ZNF92: variants seen among roughly 807,000 people sequenced by gnomAD.
ZNF92 encodes zinc finger protein 92.
In ZNF92, 11 loss-of-function variants were observed where a neutral mutation model predicts 12.4. The observed-to-expected ratio is 0.89, with a 90% confidence interval of 0.56 to 1.47. ZNF92 has a LOEUF of 1.47. Ranked by LOEUF, ZNF92 falls within the 40% of genes most tolerant of loss-of-function variation. The pLI, the probability that ZNF92 is intolerant of heterozygous loss-of-function variation, is 0.00. For synonymous variants in ZNF92, 206 were observed against 228.6 expected (o/e 0.90, Z 0.89); for missense variants, 622 against 681.0 (o/e 0.91, Z 0.96).
intron 1 of ZNF92, among the ~76,000 whole-genome samples, chr7:65,380,626 G>A (rs929810728): frequency 6.6e-6 from 1 of 152,138 alleles, no homozygotes. Flanking sequence ...TTAATTCCAT[G>A]TCTTTGGTAC....
chr7:65,383,646 A>C (rs1793484580), intron 1 of ZNF92, among the ~76,000 whole-genome samples: 1 of 152,154 alleles, frequency 6.6e-6, no homozygotes, highest in African/African-American at 2.4e-5. Context: ...TCAAGGCCAC[A>C]AAGTATCCAG....
intron 1 of ZNF92, among the ~76,000 whole-genome samples, chr7:65,379,640 CT>C (rs904161439): frequency 6.6e-6 from 1 of 152,088 alleles, no homozygotes; most frequent in African/African-American, 2.4e-5. Flanking sequence ...ATTTTTGAAC[CT>C]GTTTCTTGCT....
chr7:65,397,440 TTC>T (rs952477639), intron 3 of ZNF92, among the ~76,000 whole-genome samples: 1 of 152,066 alleles, frequency 6.6e-6, no homozygotes, highest in East Asian at 1.9e-4. Flanking sequence ...TCGTCTGTGT[TTC>T]TGTTTCACTC....
chr7:65,381,414 TA>T (rs1793415798), intron 1 of ZNF92, among the ~76,000 whole-genome samples: 2 of 152,144 alleles, frequency 1.3e-5, no homozygotes, highest in African/African-American at 4.8e-5. Flanking sequence ...TTCTGGATAT[TA>T]GACCTTTGTC....
chr7:65,376,059 C>T (rs7800694), intron 1 of ZNF92, among the ~76,000 whole-genome samples: 4 of 151,544 alleles, frequency 2.6e-5, no homozygotes, highest in African/African-American at 4.8e-5. Flanking sequence ...ATTACAGGCA[C>T]GCACAACCAC....
In ZNF92 at chr7:65,379,730, A is replaced by G. The variant is rs1053145995; in HGVS notation, c.3+5730A>G. Among the ~76,000 whole-genome samples the G allele has an allele frequency of 9.9e-5, 15 of 152,016 alleles. 1 individual carries two copies. The highest frequency in any genetic ancestry group is 2.4e-4 in the African/African-American group (10 of 41,448). The stretch of plus-strand genomic sequence containing the variant: ...CAGCATCAGCCTGCTTTCTCCACCA[A>G]CCTAGGGTTCTGCACCACCTGTTCA... On this transcript the variant is annotated intron_variant, in intron 1 of 3. Transcript: ENST00000328747.
rs904857562 is a variant in ZNF92 at position 65,398,757 on chromosome 7, A to G, written c.643A>G (p.Thr215Ala). 3.1e-6 allele frequency: 5 copies of G among 1,613,098 alleles called. No individual in the cohort carries two copies. Among genetic ancestry groups the G allele is most frequent in the Non-Finnish European group, 2.5e-6 (3 of 1,179,736 alleles). Residue 215 changes from threonine (T) to alanine (A), a missense_variant, in exon 4 of 4, where the codon ACC (threonine) becomes GCC (alanine). Coordinates refer to ENST00000328747, the MANE Select transcript of ZNF92 (RefSeq NM_152626.4). ...TGGTAAAGCCTTTAACTGGTCCTCA[A>G]CCCTTACTAAACATAAGATAATTCA... is the stretch of plus-strand genomic sequence containing the variant. ...ECGKAFNWSS[T>A]LTKHKIIHTG... is the part of the protein sequence containing the mutation.
chr7:65,395,342 C>T (rs1481295085), intron 3 of ZNF92, among the ~76,000 whole-genome samples: 1 of 152,126 alleles, frequency 6.6e-6, no homozygotes, highest in Non-Finnish European at 1.5e-5. Context: ...GCATGAGCCC[C>T]TGCACCCAGC....
chr7:65,387,849 C>T, intron 1 of ZNF92, 53 bp from the exon 2 acceptor site: 1 of 1,502,882 alleles, frequency 6.7e-7, no homozygotes, highest in Non-Finnish European at 8.9e-7. Context: ...AAATTCTGCC[C>T]ATGGCCACTT....
chr7:65,389,401 C>T (rs1215192783), intron 3 of ZNF92, among the ~76,000 whole-genome samples: 1 of 152,124 alleles, frequency 6.6e-6, no homozygotes, highest in Non-Finnish European at 1.5e-5. Context: ...TTCAAGTTTA[C>T]AGTGAGAGCC....
At chr7:65,389,161 G>A (rs971403709) in intron 3 of ZNF92, among the ~76,000 whole-genome samples, 4 of 151,990 alleles carry the variant, frequency 2.6e-5, no homozygotes, top group African/African-American at 9.7e-5. Context: ...GTGTCTCCAT[G>A]TTGGTCAGGC....
At chr7:65,381,364 G>GTT (rs61408368) in intron 1 of ZNF92, among the ~76,000 whole-genome samples, 15 of 149,874 alleles carry the variant, frequency 1.0e-4, no homozygotes, top group South Asian at 2.1e-4. Context: ...TTTTAATAAG[G>GTT]TTTTTTTTTT....
chr7:65,381,045 G>T (rs1054619488), intron 1 of ZNF92, among the ~76,000 whole-genome samples: 10 of 151,456 alleles, frequency 6.6e-5, no homozygotes, highest in African/African-American at 2.4e-4. Context: ...ATGGAGTCTC[G>T]CTCTGTTATC....
In ZNF92 at chr7:65,388,019, GT is replaced by G. The variant is rs773675039; in HGVS notation, c.122del (p.Val41AlafsTer12). The stretch of plus-strand genomic sequence containing the variant: ...GATGTTAGAGAACTACAGAAACCTG[GT>G]CTTCCTTGGTGAGGATAACTTCAAT... ...DVMLENYRNL[V>X]FLGIAVSKPD... On this transcript the variant is annotated frameshift_variant, in exon 2 of 4. Coordinates refer to ENST00000328747, the MANE Select transcript of ZNF92 (RefSeq NM_152626.4). LOFTEE classifies it high-confidence loss of function. 6 of 1,604,904 alleles carry G rather than the reference GT, an allele frequency of 3.7e-6. No individual in the cohort carries two copies. In the African/African-American group the frequency reaches 6.7e-5, roughly 18 times the overall value.
chr7:65,395,827 A>G (rs1793834436), intron 3 of ZNF92, among the ~76,000 whole-genome samples: 1 of 152,144 alleles, frequency 6.6e-6, no homozygotes, highest in South Asian at 2.1e-4. Context: ...ATTTGTATAG[A>G]TATAGATCTT....
intron 1 of ZNF92, among the ~76,000 whole-genome samples, chr7:65,385,920 T>G (rs6978699): frequency 0.012 from 1,830 of 152,132 alleles, 48 homozygotes; most frequent in African/African-American, 0.04. Context: ...ATGCCATGTG[T>G]TTAGTACTTA....
chr7:65,399,105 CAT>C lies in ZNF92; in HGVS notation c.993_994del (p.His331GlnfsTer13). 1.2e-6 allele frequency: 2 copies of C among 1,612,624 alleles called. No individual in the cohort carries two copies. Among genetic ancestry groups the C allele is most frequent in the African/African-American group, 1.3e-5 (1 of 74,862 alleles). ...AFRVFSILKK[H>X]KIIHTGEKPY... The stretch of plus-strand genomic sequence containing the variant: ...TAGAGTATTCTCAATTCTTAAAAAA[CAT>C]AAGATAATCCATACTGGGGAAAAAC... On this transcript the variant is annotated frameshift_variant, in exon 4 of 4. Coordinates refer to ENST00000328747, the MANE Select transcript of ZNF92 (RefSeq NM_152626.4). LOFTEE classifies it low-confidence loss of function (END_TRUNC).
In ZNF92 at chr7:65,398,684, A is replaced by G. The variant is rs769012019; in HGVS notation, c.570A>G (p.Gln190=). 1.2e-6 allele frequency: 2 copies of G among 1,611,202 alleles called. No homozygotes were observed. The highest frequency in any genetic ancestry group is 1.7e-6 in the Non-Finnish European group (2 of 1,179,100). Residue 190 remains glutamine, a synonymous_variant, in exon 4 of 4, where the codon CAA becomes CAG. Transcript: ENST00000328747. ...KSFCMLSQLT[Q]HKKIHTREYS... ...TTTGCATGCTTTCACAATTAACTCA[A>G]CATAAGAAAATTCATACTAGAGAGT...
intron 3 of ZNF92, among the ~76,000 whole-genome samples, chr7:65,396,272 TTG>T (rs1793844705): frequency 6.6e-6 from 1 of 152,126 alleles, no homozygotes. Flanking sequence ...TTATTGTTTC[TTG>T]TGTTTTTTAG....
Sources: gnomAD v4.1 joint callset for allele counts (sites outside exome capture counted in the v4.1 genomes callset) on GRCh38, gnomAD v4.1.1 for gene constraint, MANE v1.5 for transcripts, NCBI Gene and HGNC (gene_info 2026-07-23, HGNC 2026-07-21) for gene names.